The following KDM5C variants were observed in gnomAD, a reference collection of about 807,000 sequenced individuals.
KDM5C encodes lysine demethylase 5C.
Under a neutral mutation model 110.6 loss-of-function variants are expected in KDM5C, and 16 were observed. The observed-to-expected ratio is 0.14, with a 90% CI of 0.10 to 0.22. KDM5C has a LOEUF of 0.22. Among genes scored for constraint, KDM5C ranks in the 10% least tolerant of loss-of-function variants. The pLI, the probability that KDM5C is intolerant of heterozygous loss-of-function variation, is 1.00. For synonymous variants in KDM5C, 511 were observed against 520.4 expected (o/e 0.98, Z 0.24); for missense variants, 681 against 1,300.9 (o/e 0.52, Z 7.33).
At chrX:53,215,559 T>C (rs2146938081) in intron 7 of KDM5C, among the ~76,000 whole-genome samples, 1 of 111,155 alleles carries the variant, frequency 9.0e-6, no homozygotes, top group Admixed American at 9.5e-5. Context: ...CAATGGAGAG[T>C]GAGACTCCTT....
At chrX:53,188,638 G>C (rs1934304952), downstream of KDM5C, among the ~76,000 whole-genome samples, 1 of 111,367 alleles carries the variant, frequency 9.0e-6, no homozygotes, top group African/African-American at 3.3e-5. Context: ...GCTTCCCAAA[G>C]TGCTGGGATT....
rs1184598695 is a variant in KDM5C, at chrX:53,193,256, C to T, written c.4394G>A (p.Arg1465Gln). The T allele has an allele frequency of 2.5e-6, 3 of 1,209,414 alleles. No homozygotes were observed. The highest frequency in any genetic ancestry group is 1.8e-5 in the South Asian group (1 of 56,949). Residue 1465 changes from arginine (R) to glutamine (Q), a missense_variant, in exon 26 of 26, where the codon CGG (arginine) becomes CAG (glutamine). This residue lies in a region of KDM5C where 115 missense variants were observed against 120.9 expected (regional missense o/e 0.95). Transcript: ENST00000375401. ...LERRRRRKVD[R>Q]GGEGDDPARE... ...GGCTGGGTCATCGCCCTCCCCACCC[C>T]GATCCACCTTCCGCCGCCGCCGCCT...
At chrX:53,194,058 C>T in intron 23 of KDM5C, 81 bp downstream of exon 23, 1 of 1,134,233 alleles carries the variant, frequency 8.8e-7, no homozygotes, top group Non-Finnish European at 1.2e-6. Context: ...AATTGGAGAA[C>T]AAGGGGCAGG....
At chrX:53,210,386 C>T (rs782081512) in intron 12 of KDM5C, 28 bp downstream of exon 12, 4 of 1,210,230 alleles carry the variant, frequency 3.3e-6, no homozygotes, top group Admixed American at 4.3e-5. Flanking sequence ...TCACTCCTGC[C>T]GCTTGTCCCT....
chrX:53,218,708 TG>T (rs1400847836), intron 2 of KDM5C: 3 of 389,545 alleles, frequency 7.7e-6, no homozygotes, highest in Non-Finnish European at 1.4e-5. Context: ...CCTGAGTAGC[TG>T]GAACTATAGG....
intron 14 of KDM5C, 56 bp downstream of exon 14, chrX:53,201,494 C>G (rs2073137932): frequency 2.7e-6 from 3 of 1,127,081 alleles, no homozygotes; most frequent in Non-Finnish European, 3.7e-6. Context: ...GGTGCTGCCT[C>G]TGCCTCCCCG....
chrX:53,177,223 A>C (rs1456516677), intron 25 of KDM5C, among the ~76,000 whole-genome samples: 2 of 111,343 alleles, frequency 1.8e-5, no homozygotes, highest in Non-Finnish European at 3.8e-5. Context: ...GCTTTGAAAA[A>C]AATAAAAATT....
intron 19 of KDM5C, among the ~76,000 whole-genome samples, chrX:53,196,356 G>T (rs1391021926): frequency 8.9e-6 from 1 of 112,535 alleles, no homozygotes; most frequent in Non-Finnish European, 1.9e-5. Context: ...GCTGCAGTTT[G>T]TCAACTGCCC....
downstream of KDM5C, among the ~76,000 whole-genome samples, chrX:53,189,809 A>G (rs1934345962): frequency 8.9e-6 from 1 of 112,784 alleles, no homozygotes; most frequent in Non-Finnish European, 1.9e-5. Flanking sequence ...CAGAAGCTCC[A>G]GAGCTTGGGG....
At chrX:53,181,141 T>TG (rs1449881100) in intron 25 of KDM5C, among the ~76,000 whole-genome samples, 17 of 109,536 alleles carry the variant, frequency 1.6e-4, no homozygotes, top group East Asian at 2.8e-4. Flanking sequence ...ATATATTTTT[T>TG]TTTGTTTGTT....
chrX:53,177,996 C>T (rs1176562044), intron 25 of KDM5C, among the ~76,000 whole-genome samples: 2 of 111,110 alleles, frequency 1.8e-5, no homozygotes, highest in Non-Finnish European at 3.8e-5. Context: ...GTAGCTGGGA[C>T]TATAGGTGCA....
rs1457920763 is a variant in KDM5C, at chrX:53,211,484, A to C, written c.1401+13T>G. ...TCACACAGCTGACACGTAACCATGA[A>C]TCATCCACTCACCTCCTCTTCGGGG... On this transcript the variant is annotated intron_variant, in intron 10 of 25. Transcript: ENST00000375401. The C allele has an allele frequency of 1.7e-6, 2 of 1,208,341 alleles. No homozygotes were observed. Among genetic ancestry groups the C allele is most frequent in the Non-Finnish European group, 2.2e-6 (2 of 893,699 alleles).
chrX:53,197,117 T>C, intron 18 of KDM5C, 73 bp from the exon 19 acceptor site: 1 of 796,809 alleles, frequency 1.3e-6, no homozygotes, highest in Non-Finnish European at 1.8e-6. Context: ...AGATGGAACC[T>C]TGTCCCACCT....
At chrX:53,210,603 C>T (rs2146915078) in intron 11 of KDM5C, 27 bp from the exon 12 acceptor site, 1 of 1,211,651 alleles carries the variant, frequency 8.3e-7, no homozygotes. Flanking sequence ...GGGACACACA[C>T]AGTAAATCAC....
Position 53,193,182 on chromosome X carries a change from C to T in KDM5C, c.4468G>A (p.Glu1490Lys), listed in dbSNP as rs2146812352. The change falls in exon 26 of 26, where the codon GAG becomes AAG. Residue 1490 changes from glutamate to lysine, a missense_variant. By Grantham distance (56) the Glu-to-Lys change is moderately conservative. Around this residue, in one of 14 missense-constraint regions of KDM5C, gnomAD observed 115 missense variants for 120.9 expected, o/e 0.95. Transcript: ENST00000375401. ...KRVRSSGPEA[E>K]EVQEEEELEE... ...AGCTCTTCCTCCTCCTGGACCTCCT[C>T]AGCCTCTGGCCCTGAGCTCCGTACC... 1 of 1,210,876 alleles carries T rather than the reference C, an allele frequency of 8.3e-7. No individual in the cohort carries two copies. Among genetic ancestry groups the T allele is most frequent in the Non-Finnish European group, 1.1e-6 (1 of 895,348 alleles).
At chrX:53,191,200 T>G, downstream of KDM5C, 1 of 168,411 alleles carries the variant, frequency 5.9e-6, no homozygotes, top group Non-Finnish European at 1.1e-5. Flanking sequence ...GGTCCCTGAT[T>G]TAGTCCAGCA....
chrX:53,218,882 A>T, intron 2 of KDM5C: 2 of 239,288 alleles, frequency 8.4e-6, no homozygotes, highest in Non-Finnish European at 1.6e-5. Flanking sequence ...GCACCCAGCC[A>T]CCTCTCTCTC....
At chrX:53,176,464 T>C (rs1253504572) in exon 26 of KDM5C, among the ~76,000 whole-genome samples, 2 of 111,783 alleles carry the variant, frequency 1.8e-5, no homozygotes, top group Non-Finnish European at 3.8e-5. Flanking sequence ...ATGAGGGGTC[T>C]GGTGTCTCAC....
rs1372359583 is a variant in KDM5C, at chrX:53,195,970, G to A, written c.3066C>T (p.Leu1022=). 2 of 1,209,349 alleles carry A rather than the reference G, an allele frequency of 1.7e-6. No homozygotes were observed. The highest frequency in any genetic ancestry group is 2.2e-6 in the Non-Finnish European group (2 of 894,460). Residue 1022 remains leucine, a synonymous_variant, in exon 20 of 26, where the codon CTC becomes CTT. Transcript: ENST00000375401. Reference sequence around the variant, plus strand: ...CCCGGGCCTTAGCAAGAGCCTCCTTGAGAGCCTGGATGTTGGGCAGGTGAA... The same window carrying A: ...CCCGGGCCTTAGCAAGAGCCTCCTTAAGAGCCTGGATGTTGGGCAGGTGAA... ...IPVHLPNIQA[L]KEALAKARAW...
Sources: allele counts gnomAD v4.1 joint callset (sites outside exome capture counted in the v4.1 genomes callset), GRCh38; gene constraint gnomAD v4.1.1; regional missense constraint gnomAD v4.1.1; transcripts MANE v1.5; gene names NCBI Gene and HGNC (gene_info 2026-07-23, HGNC 2026-07-21).